Variants in TSPAN15 observed in about 807,000 individuals in gnomAD.
TSPAN15 encodes the protein tetraspanin 15.
Under a neutral mutation model 34.5 loss-of-function variants are expected in TSPAN15, and 20 were observed. That is an observed-to-expected ratio of 0.58 (90% CI 0.41 to 0.84). The LOEUF (loss-of-function observed/expected upper bound fraction) is 0.84, where lower values mean the gene tolerates loss of function less well. Among genes scored for constraint, TSPAN15 ranks in the 40% least tolerant of loss-of-function variants. The pLI is 0.00. For synonymous variants in TSPAN15, 155 were observed against 153.9 expected (o/e 1.01, Z -0.05); for missense variants, 313 against 386.1 (o/e 0.81, Z 1.59).
chr10:69,480,546 C>T (rs1378375501), intron 1 of TSPAN15, among the ~76,000 whole-genome samples: 1 of 152,168 alleles, frequency 6.6e-6, no homozygotes, highest in East Asian at 1.9e-4. Context: ...CTGAAAACTT[C>T]CATGCTCTAT....
At chr10:69,536,531 G>A in the TSPAN15 span, among the ~76,000 whole-genome samples, 1 of 152,168 alleles carries the variant, frequency 6.6e-6, no homozygotes, top group Non-Finnish European at 1.5e-5. Flanking sequence ...AACAACAAAC[G>A]TTTATTTTCT....
rs1405176160 is a variant in TSPAN15 at position 69,485,200 on chromosome 10, G to A, written c.342G>A (p.Leu114=). Residue 114 remains leucine, a synonymous_variant, in exon 3 of 8, where the codon TTG becomes TTA. Transcript: ENST00000373290. ...IMELIGGVVA[L]TFRNQTIDFL... is the part of the protein sequence containing the mutation. ...AGCTCATTGGTGGCGTGGTGGCCTT[G>A]ACCTTCCGGAACCAGGTGGGCCTGT... The A allele has an allele frequency of 1.9e-6, 3 of 1,614,016 alleles. No homozygotes were observed. The highest frequency in any genetic ancestry group is 1.7e-6 in the Non-Finnish European group (2 of 1,180,020).
chr10:69,498,031 C>G lies in TSPAN15; in HGVS notation c.454-249C>G, dbSNP rs181489397. Among the ~76,000 whole-genome samples, 3 of 152,288 alleles carry G rather than the reference C, an allele frequency of 2.0e-5. No homozygotes were observed. In the East Asian group the frequency reaches 5.8e-4, roughly 29 times the overall value. ...GACCTTTCCTCCCAGTGCCTAGTCA[C>G]TACCCTGATATCCCACCAAGAGGCA... is the stretch of plus-strand genomic sequence containing the variant. On this transcript the variant is annotated intron_variant, in intron 4 of 7. Coordinates refer to ENST00000373290, the MANE Select transcript of TSPAN15 (RefSeq NM_012339.5).
rs575880539 is a variant in TSPAN15, at chr10:69,483,394, C to T, written c.97-297C>T. ...GTGAGTGTCTGTGTCATAATCTCTT[C>T]CCCTTATAAGGACACCAGTCATATT... On this transcript the variant is annotated intron_variant, in intron 1 of 7. Transcript: ENST00000373290. 2.6e-5 allele frequency among the ~76,000 whole-genome samples: 4 copies of T among 151,900 alleles called. No homozygotes were observed. The East Asian group carries it at 7.7e-4, about 29-fold the overall frequency.
intron 1 of TSPAN15, among the ~76,000 whole-genome samples, chr10:69,458,799 T>G (rs1841174091): frequency 6.6e-6 from 1 of 152,198 alleles, no homozygotes; most frequent in African/African-American, 2.4e-5. Flanking sequence ...GAAGTGTCCT[T>G]CGCTCTTAAC....
the TSPAN15 span, among the ~76,000 whole-genome samples, chr10:69,545,436 G>A: frequency 1.5e-4 from 23 of 152,294 alleles, no homozygotes; most frequent in East Asian, 7.7e-4. Context: ...AGTCCTCAGC[G>A]GGCTCACCGG....
In TSPAN15 at chr10:69,483,792, C is replaced by T. The variant is rs1314276513; in HGVS notation, c.198C>T (p.Leu66=). 5.0e-6 allele frequency: 8 copies of T among 1,614,106 alleles called. No homozygotes were observed. Among genetic ancestry groups the T allele is most frequent in the South Asian group, 2.2e-5 (2 of 91,088 alleles). The change falls in exon 2 of 8, where the codon CTC becomes CTT. Residue 66 remains leucine, a synonymous_variant. Coordinates refer to ENST00000373290, the MANE Select transcript of TSPAN15 (RefSeq NM_012339.5). ...CCTTCCTGGCTCCAGCCATCATCCT[C>T]ATCCTCCTGGGCGTCGTCATGTTCA... ...ESAFLAPAII[L]ILLGVVMFMV...
intron 1 of TSPAN15, among the ~76,000 whole-genome samples, chr10:69,482,526 G>A (rs2133109468): frequency 6.6e-6 from 1 of 152,338 alleles, no homozygotes; most frequent in African/African-American, 2.4e-5. Context: ...TTATGGTACT[G>A]TGTGAAATGT....
chr10:69,531,273 T>C, the TSPAN15 span, among the ~76,000 whole-genome samples: 1 of 143,228 alleles, frequency 7.0e-6, no homozygotes, highest in Non-Finnish European at 1.5e-5. Flanking sequence ...CACATAAAAA[T>C]AAATAAGAAA....
chr10:69,503,448 GT>G (rs1842251314), intron 5 of TSPAN15, among the ~76,000 whole-genome samples: 1 of 152,188 alleles, frequency 6.6e-6, no homozygotes, highest in Non-Finnish European at 1.5e-5. Flanking sequence ...GGTGGGTTCT[GT>G]GATCATCACA....
rs377684480 is a variant in TSPAN15 at position 69,469,017 on chromosome 10, C to T, written c.97-14674C>T. Among the ~76,000 whole-genome samples the T allele has an allele frequency of 9.4e-4, 77 of 82,036 alleles. 2 individuals carry two copies. In the South Asian group the frequency reaches 0.025, roughly 26 times the overall value. The allele number at this position is 82,036 out of a possible 152,430, so 53.8% of individuals were successfully genotyped here. A position where few individuals can be genotyped will look rare whatever the true frequency, so the allele number is the denominator to read the frequency against. The stretch of plus-strand genomic sequence containing the variant: ...GGCCCTAGACGGCCTTAGGATGGGG[C>T]GAATCACCAGAAACACCAAATAATT... On this transcript the variant is annotated intron_variant, in intron 1 of 7. Transcript: ENST00000373290.
At chr10:69,510,542 G>C (rs10823397), downstream of TSPAN15, among the ~76,000 whole-genome samples, 78,236 of 152,048 alleles carry the variant, frequency 0.51, 20,840 homozygotes, top group African/African-American at 0.63. Flanking sequence ...TTGACTTCCT[G>C]TCTTCCTATT....
chr10:69,539,454 GAAGA>G, the TSPAN15 span, among the ~76,000 whole-genome samples: 149 of 23,832 alleles, frequency 6.3e-3, 10 homozygotes, highest in South Asian at 0.019. Context: ...AGAAGAAGAA[GAAGA>G]AGAAGGAGAA....
At chr10:69,510,690 C>T (rs1379015527), downstream of TSPAN15, among the ~76,000 whole-genome samples, 1 of 152,168 alleles carries the variant, frequency 6.6e-6, no homozygotes, top group African/African-American at 2.4e-5. Context: ...TTTGCCCATT[C>T]AGTATGATAT....
intron 1 of TSPAN15, among the ~76,000 whole-genome samples, chr10:69,480,498 C>G (rs190564255): frequency 6.6e-6 from 1 of 152,112 alleles, no homozygotes; most frequent in Admixed American, 6.5e-5. Flanking sequence ...TTCCAGTACC[C>G]GAGTCCCTGA....
intron 2 of TSPAN15, 131 bp downstream of exon 2, chr10:69,484,007 AGCCCATCTGACCACACTG>A (rs1841795429): frequency 1.0e-6 from 1 of 962,112 alleles, no homozygotes; most frequent in Non-Finnish European, 1.5e-6. Flanking sequence ...TCCTTAGATC[AGCCCATCTGACCACACTG>A]GCCCAAGAAT....
At chr10:69,536,985 G>GA in the TSPAN15 span, among the ~76,000 whole-genome samples, 1,453 of 109,186 alleles carry the variant, frequency 0.013, 17 homozygotes, top group East Asian at 0.047. Context: ...ACTACATCTT[G>GA]AAAAAAAAAA....
the TSPAN15 span, among the ~76,000 whole-genome samples, chr10:69,535,489 A>G: frequency 1.3e-5 from 2 of 152,260 alleles, no homozygotes; most frequent in African/African-American, 2.4e-5. Flanking sequence ...GCGTTGTCTT[A>G]GATCCTGGTA....
intron 3 of TSPAN15, among the ~76,000 whole-genome samples, chr10:69,493,593 C>T (rs1310688766): frequency 2.0e-5 from 3 of 152,038 alleles, no homozygotes; most frequent in African/African-American, 7.3e-5. Flanking sequence ...CTGCCTCAGC[C>T]TCCCGAGTAG....
Sources: gnomAD v4.1 joint callset for allele counts (sites outside exome capture counted in the v4.1 genomes callset) on GRCh38, gnomAD v4.1.1 for gene constraint, MANE v1.5 for transcripts, NCBI Gene and HGNC (gene_info 2026-07-23, HGNC 2026-07-21) for gene names.